Variants in GABRG3 observed in about 807,000 individuals in gnomAD.
GABRG3 encodes gamma-aminobutyric acid receptor subunit gamma-3.
Under a neutral mutation model 48.8 loss-of-function variants are expected in GABRG3, and 25 were observed. The ratio of observed to expected loss-of-function variants is 0.51; its 90% CI spans 0.37 to 0.72. The LOEUF (loss-of-function observed/expected upper bound fraction) is 0.72, where lower values mean the gene tolerates loss of function less well. GABRG3 is among the 30% of genes least tolerant of loss of function. GABRG3 has a pLI of 0.00. For missense variants in GABRG3, 394 were observed against 577.9 expected (o/e 0.68, Z 3.26); for synonymous variants, 227 against 217.6 (o/e 1.04, Z -0.38).
intron 5 of GABRG3, among the ~76,000 whole-genome samples, chr15:27,444,157 G>T (rs1349037787): frequency 6.6e-6 from 1 of 152,134 alleles, no homozygotes; most frequent in Non-Finnish European, 1.5e-5. Flanking sequence ...CTGAGTGAAA[G>T]AATTTACTGT....
At chr15:27,500,948 G>GTA (rs1339278886) in intron 6 of GABRG3, among the ~76,000 whole-genome samples, 1 of 124,704 alleles carries the variant, frequency 8.0e-6, no homozygotes, top group Non-Finnish European at 1.7e-5. Flanking sequence ...AGGAAGTAAC[G>GTA]TATGTTTTTT....
At chr15:27,528,174 G>A (rs1029923725) in intron 9 of GABRG3, among the ~76,000 whole-genome samples, 182 bp downstream of exon 9, 1 of 152,222 alleles carries the variant, frequency 6.6e-6, no homozygotes, top group East Asian at 1.9e-4. Context: ...TTGGAAATTA[G>A]AGGAGAAAAG....
intron 3 of GABRG3, chr15:27,157,975 T>C (rs1206036020): frequency 1.3e-5 from 2 of 152,230 alleles, no homozygotes; most frequent in Non-Finnish European, 2.9e-5. Flanking sequence ...CTTACATTCT[T>C]AGTCAGCTCA....
chr15:27,012,924 C>T (rs1482547249), intron 2 of GABRG3, among the ~76,000 whole-genome samples: 1 of 152,090 alleles, frequency 6.6e-6, no homozygotes, highest in African/African-American at 2.4e-5. Flanking sequence ...GATTTACTTA[C>T]CACTTACACT....
intron 3 of GABRG3, among the ~76,000 whole-genome samples, chr15:27,228,180 A>C (rs1595598906): frequency 6.6e-6 from 1 of 152,312 alleles, no homozygotes; most frequent in East Asian, 1.9e-4. Context: ...CCCAGGTATT[A>C]AGCTCAGTTC....
chr15:27,229,127 G>T (rs1889715618), intron 3 of GABRG3, among the ~76,000 whole-genome samples: 1 of 152,064 alleles, frequency 6.6e-6, no homozygotes, highest in Non-Finnish European at 1.5e-5. Context: ...TCTTTGTCAC[G>T]AACTTTTTGC....
At chr15:27,093,021 T>A (rs982822160) in intron 3 of GABRG3, among the ~76,000 whole-genome samples, 3 of 152,038 alleles carry the variant, frequency 2.0e-5, no homozygotes, top group African/African-American at 7.2e-5. Context: ...ACATCCCCAG[T>A]CACTGAACCC....
chr15:27,413,503 T>A (rs1433850139), intron 5 of GABRG3, among the ~76,000 whole-genome samples: 1 of 152,244 alleles, frequency 6.6e-6, no homozygotes, highest in Non-Finnish European at 1.5e-5. Flanking sequence ...AGCTGTCACC[T>A]GTGCTTGATG....
chr15:27,493,769 C>T (rs1595791035), intron 6 of GABRG3, among the ~76,000 whole-genome samples: 2 of 152,170 alleles, frequency 1.3e-5, no homozygotes, highest in African/African-American at 2.4e-5. Context: ...AATGAAGTAA[C>T]GCCAATACCT....
intron 3 of GABRG3, among the ~76,000 whole-genome samples, chr15:27,312,398 A>T (rs1048244954): frequency 2.0e-5 from 3 of 152,288 alleles, no homozygotes; most frequent in African/African-American, 4.8e-5. Flanking sequence ...ACAGTAGCTA[A>T]TTTTTTTCTA....
At chr15:27,018,639 TA>T (rs1895822799) in intron 2 of GABRG3, among the ~76,000 whole-genome samples, 1 of 152,176 alleles carries the variant, frequency 6.6e-6, no homozygotes, top group Admixed American at 6.5e-5. Flanking sequence ...GAATTAGCTG[TA>T]AACCTTATAT....
chr15:27,424,748 T>G (rs2056416073), intron 5 of GABRG3, among the ~76,000 whole-genome samples: 1 of 152,028 alleles, frequency 6.6e-6, no homozygotes, highest in Admixed American at 6.6e-5. Context: ...GAGATGGGGT[T>G]TCACCATGTT....
chr15:27,535,019 ACAC>A lies in GABRG3; in HGVS notation c.*2139_*2141del, dbSNP rs1891516427. On this transcript the variant is annotated 3_prime_UTR_variant, in exon 10 of 10. Coordinates refer to ENST00000615808, the MANE Select transcript of GABRG3 (RefSeq NM_033223.5). The stretch of plus-strand genomic sequence containing the variant: ...AATGTCTCCTCTATTGGAGAATTTC[ACAC>A]TCTGGTACTCTAGTTCTGTCTCTCA... The A allele has an allele frequency of 6.6e-6, 1 of 152,216 alleles. No individual in the cohort carries two copies. The highest frequency in any genetic ancestry group is 2.4e-5 in the African/African-American group (1 of 41,450). The allele number at this position is 152,216 out of a possible 1,614,324, so 9.4% of individuals were successfully genotyped here.
At chr15:27,138,283 C>T (rs1898044273) in intron 3 of GABRG3, among the ~76,000 whole-genome samples, 1 of 152,128 alleles carries the variant, frequency 6.6e-6, no homozygotes, top group Non-Finnish European at 1.5e-5. Flanking sequence ...TTTCACACCC[C>T]TCCTGGTAAC....
At chr15:27,102,150 C>T (rs1365028498) in intron 3 of GABRG3, among the ~76,000 whole-genome samples, 2 of 152,218 alleles carry the variant, frequency 1.3e-5, no homozygotes, top group African/African-American at 4.8e-5. Flanking sequence ...TGTGTTTCAG[C>T]AAGGCCCGGG....
intron 3 of GABRG3, among the ~76,000 whole-genome samples, chr15:27,045,380 A>C (rs138164093): frequency 6.6e-6 from 1 of 152,248 alleles, no homozygotes; most frequent in Non-Finnish European, 1.5e-5. Flanking sequence ...CACCGGGGGA[A>C]CAAACTCCAG....
At chr15:27,264,571 T>A (rs1890861440) in intron 3 of GABRG3, among the ~76,000 whole-genome samples, 1 of 148,638 alleles carries the variant, frequency 6.7e-6, no homozygotes. Flanking sequence ...AACCTAAAAA[T>A]CACATCCTCG....
intron 3 of GABRG3, among the ~76,000 whole-genome samples, chr15:27,118,461 A>C (rs1261732999): frequency 6.6e-6 from 1 of 152,206 alleles, no homozygotes; most frequent in Non-Finnish European, 1.5e-5. Flanking sequence ...AGGGCAGATG[A>C]CTGAGACGTG....
At chr15:27,306,619 A>ATGTT (rs2140498078) in intron 3 of GABRG3, among the ~76,000 whole-genome samples, 1 of 121,780 alleles carries the variant, frequency 8.2e-6, no homozygotes, top group African/African-American at 3.6e-5. Context: ...ATATAAACAT[A>ATGTT]TATAATATAA....
Sources: allele counts gnomAD v4.1 joint callset (sites outside exome capture counted in the v4.1 genomes callset), GRCh38; gene constraint gnomAD v4.1.1; transcripts MANE v1.5; gene names NCBI Gene and HGNC (gene_info 2026-07-23, HGNC 2026-07-21).